The following GOLM1 variants were observed in gnomAD, a reference collection of about 807,000 sequenced individuals.
GOLM1 encodes the protein golgi membrane protein 1, also known as epididymis luminal protein 46.
GOLM1 carries 31 observed loss-of-function variants against 50.5 expected under a neutral mutation model. The observed-to-expected ratio is 0.61, with a 90% confidence interval of 0.46 to 0.83. GOLM1 has a LOEUF of 0.83. Ranked by LOEUF, GOLM1 falls within the 40% of genes least tolerant of loss-of-function variation. GOLM1 has a pLI of 0.00. For synonymous variants in GOLM1, 178 were observed against 192.8 expected (o/e 0.92, Z 0.64); for missense variants, 491 against 501.3 (o/e 0.98, Z 0.20).
In GOLM1 at chr9:86,035,553, T is replaced by A. The variant is rs1833105409; in HGVS notation, c.830A>T (p.Glu277Val). ...TACAGGTCTGTCTTCCACCACCTGC[T>A]CCCGGCCTGGCTCCTGCGGCAGCCT... is the stretch of plus-strand genomic sequence containing the variant. ...RDRLPQEPGR[E>V]QVVEDRPVGG... Residue 277 changes from glutamate to valine, a missense_variant, in exon 8 of 10, where the codon GAG (glutamate) becomes GTG (valine). Glu to Val is a moderately radical substitution (Grantham distance 121, BLOSUM62 -2). Coordinates refer to ENST00000388712, the MANE Select transcript of GOLM1 (RefSeq NM_016548.4). 1.2e-6 allele frequency: 2 copies of A among 1,610,066 alleles called. 1 individual carries two copies.
chr9:86,033,149 A>G, intron 9 of GOLM1, 133 bp downstream of exon 9: 1 of 628,508 alleles, frequency 1.6e-6, no homozygotes, highest in South Asian at 2.0e-5. Flanking sequence ...AAAGCTCCTA[A>G]AGAACAGACG....
At chr9:86,083,345 A>AC (rs1834844903) in intron 1 of GOLM1, among the ~76,000 whole-genome samples, 1 of 152,242 alleles carries the variant, frequency 6.6e-6, no homozygotes, top group African/African-American at 2.4e-5. Context: ...AAAAGTCTAT[A>AC]CATGTTCAGT....
At chr9:86,055,590 T>G (rs931831492) in intron 3 of GOLM1, among the ~76,000 whole-genome samples, 2 of 152,068 alleles carry the variant, frequency 1.3e-5, no homozygotes, top group Non-Finnish European at 2.9e-5. Context: ...ACACATACAA[T>G]GAAATATTAT....
chr9:86,073,510 C>A (rs772311434), intron 3 of GOLM1, among the ~76,000 whole-genome samples: 7 of 152,182 alleles, frequency 4.6e-5, no homozygotes, highest in Non-Finnish European at 8.8e-5. Context: ...CACCAGCAAG[C>A]TGCAGAGACT....
intron 1 of GOLM1, among the ~76,000 whole-genome samples, chr9:86,085,228 A>C (rs10868367): frequency 0.24 from 36,739 of 152,178 alleles, 7,535 homozygotes; most frequent in African/African-American, 0.54. Context: ...ATTAATTGTG[A>C]GTACAAATGA....
At chr9:86,096,176 GGTTT>G in intron 1 of GOLM1, among the ~76,000 whole-genome samples, 2 of 114,790 alleles carry the variant, frequency 1.7e-5, no homozygotes, top group Middle Eastern at 9.3e-3. Context: ...CTGCTCGATA[GGTTT>G]TTTTTTTTTT....
chr9:86,083,388 T>G (rs1338525102), intron 1 of GOLM1, among the ~76,000 whole-genome samples: 1 of 152,182 alleles, frequency 6.6e-6, no homozygotes, highest in African/African-American at 2.4e-5. Context: ...TAACTAATTT[T>G]TGTTTGTTTT....
At position 86,033,524 on chromosome 9, in the gene GOLM1, A is replaced by G. The variant is rs1472163610; in HGVS notation, c.1016-129T>C. The G allele has an allele frequency of 4.7e-6, 3 of 642,600 alleles. No individual in the cohort carries two copies. In the African/African-American group the frequency reaches 5.5e-5, roughly 12 times the overall value. The allele number at this position is 642,600 out of a possible 1,614,324, so 39.8% of individuals were successfully genotyped here. A position where few individuals can be genotyped will look rare whatever the true frequency, so the allele number is the denominator to read the frequency against. ...AGATCTGTCTGCTGCCTCTCTGGAA[A>G]TGGTAGGGACGCAAGGGCTGGCTTC... On this transcript the variant is annotated intron_variant, in intron 8 of 9. Transcript: ENST00000388712.
rs1832812892 is a variant in GOLM1 at position 86,027,223 on chromosome 9, C to A, written c.*594G>T. 1.0e-6 allele frequency: 1 copy of A among 985,302 alleles called. No individual in the cohort carries two copies. Among genetic ancestry groups the A allele is most frequent in the Admixed American group, 6.1e-5 (1 of 16,264 alleles). The allele number at this position is 985,302 out of a possible 1,614,324, so 61.0% of individuals were successfully genotyped here. A position where few individuals can be genotyped will look rare whatever the true frequency, so the allele number is the denominator to read the frequency against. On this transcript the variant is annotated 3_prime_UTR_variant, in exon 10 of 10. Transcript: ENST00000388712. ...CAAGTAGCCTTTTAAAAAATTCTCA[C>A]ACAGAACAGCTTTGTATTTAGACTT...
At chr9:86,093,387 A>G (rs10868373) in intron 1 of GOLM1, among the ~76,000 whole-genome samples, 63,333 of 149,760 alleles carry the variant, frequency 0.42, 15,579 homozygotes, top group Non-Finnish European at 0.56. Context: ...AAAAAAAAAA[A>G]AAAAAAAGAA....
chr9:86,047,079 C>T (rs1833571226), intron 4 of GOLM1, among the ~76,000 whole-genome samples: 1 of 141,308 alleles, frequency 7.1e-6, no homozygotes, highest in South Asian at 2.5e-4. Context: ...GTCATTTATT[C>T]ACAGCCAAGC....
At chr9:86,031,077 G>A (rs1037039027) in intron 9 of GOLM1, among the ~76,000 whole-genome samples, 1 of 152,176 alleles carries the variant, frequency 6.6e-6, no homozygotes, top group African/African-American at 2.4e-5. Context: ...GGACGTGGTG[G>A]CGTGCGCCTC....
In GOLM1 at chr9:86,079,767, A is replaced by G. The variant is rs116934365; in HGVS notation, c.-21-426T>C. 125 of 155,020 alleles carry G rather than the reference A, an allele frequency of 8.1e-4. No individual in the cohort carries two copies. The East Asian group carries it at 0.022, about 27-fold the overall frequency. The allele number at this position is 155,020 out of a possible 1,614,324, so 9.6% of individuals were successfully genotyped here. On this transcript the variant is annotated intron_variant, in intron 1 of 9. Coordinates refer to ENST00000388712, the MANE Select transcript of GOLM1 (RefSeq NM_016548.4). Reference sequence around the variant, plus strand: ...ATTTCTGTAAACACCAATAACAAATATTAAGTGCTTCCGCATCATATTAGA... The same window carrying G: ...ATTTCTGTAAACACCAATAACAAATGTTAAGTGCTTCCGCATCATATTAGA...
At chr9:86,048,358 G>C (rs1833624961) in intron 4 of GOLM1, among the ~76,000 whole-genome samples, 1 of 152,122 alleles carries the variant, frequency 6.6e-6, no homozygotes, top group Non-Finnish European at 1.5e-5. Context: ...CTTTACAATA[G>C]CATGATTTAT....
At chr9:86,074,358 T>C (rs1834545382) in intron 3 of GOLM1, among the ~76,000 whole-genome samples, 1 of 151,976 alleles carries the variant, frequency 6.6e-6, no homozygotes, top group African/African-American at 2.4e-5. Context: ...CAAGGAGATC[T>C]AAAGAAGATG....
Position 86,081,596 on chromosome 9 carries a change from A to G in GOLM1, c.-21-2255T>C, listed in dbSNP as rs966027111. On this transcript the variant is annotated intron_variant, in intron 1 of 9. Coordinates refer to ENST00000388712, the MANE Select transcript of GOLM1 (RefSeq NM_016548.4). ...GAAAAAATAGGAAACTACACACAGTAGAGTATAAATTGGTCGGGTGCAGTG... is the reference window on the plus strand; with the variant it reads ...GAAAAAATAGGAAACTACACACAGTGGAGTATAAATTGGTCGGGTGCAGTG... Among the ~76,000 whole-genome samples the G allele has an allele frequency of 5.9e-5, 9 of 152,056 alleles. No individual in the cohort carries two copies. In the East Asian group the frequency reaches 1.7e-3, roughly 29 times the overall value.
intron 1 of GOLM1, among the ~76,000 whole-genome samples, chr9:86,083,296 A>G (rs1834843431): frequency 6.6e-6 from 1 of 152,258 alleles, no homozygotes; most frequent in Non-Finnish European, 1.5e-5. Context: ...AATGCTATGT[A>G]ATTAGCTGTT....
At chr9:86,035,693 A>AC (rs1833110822) in intron 7 of GOLM1, 68 bp from the exon 8 acceptor site, 2 of 1,138,258 alleles carry the variant, frequency 1.8e-6, no homozygotes, top group African/African-American at 3.1e-5. Flanking sequence ...AAAAAAAAAA[A>AC]GCAAAACCTG....
chr9:86,062,648 G>C (rs1055324294), intron 3 of GOLM1, among the ~76,000 whole-genome samples: 4 of 149,940 alleles, frequency 2.7e-5, no homozygotes, highest in Non-Finnish European at 5.9e-5. Context: ...CAAAGGAAGG[G>C]AGAGGGGTGG....
Sources: gnomAD v4.1 joint callset for allele counts (sites outside exome capture counted in the v4.1 genomes callset) on GRCh38, gnomAD v4.1.1 for gene constraint, MANE v1.5 for transcripts, NCBI Gene and HGNC (gene_info 2026-07-23, HGNC 2026-07-21) for gene names.